Variants in SPMIP2 observed in about 807,000 individuals in gnomAD.
SPMIP2 encodes sperm microtubule inner protein 2.
chr4:158,968,678 A>C, the SPMIP2 span, among the ~76,000 whole-genome samples: 1 of 152,200 alleles, frequency 6.6e-6, no homozygotes, highest in Non-Finnish European at 1.5e-5. Flanking sequence ...TTGATACCTC[A>C]GTTTCCTCAG....
At chr4:159,046,231 G>GA in the SPMIP2 span, among the ~76,000 whole-genome samples, 286 of 131,124 alleles carry the variant, frequency 2.2e-3, no homozygotes, top group Middle Eastern at 3.8e-3. Context: ...CCTGTCTCAA[G>GA]AAAAAAAAAA....
chr4:158,957,707 G>A, the SPMIP2 span, among the ~76,000 whole-genome samples: 8 of 152,176 alleles, frequency 5.3e-5, no homozygotes, highest in African/African-American at 1.9e-4. Flanking sequence ...TTACAGGCGT[G>A]AGCCACTGTG....
chr4:159,003,399 G>A, the SPMIP2 span, among the ~76,000 whole-genome samples: 2 of 152,074 alleles, frequency 1.3e-5, no homozygotes, highest in African/African-American at 4.8e-5. Context: ...AATTAAGTAA[G>A]GTATTGTATG....
chr4:159,009,314 C>A, the SPMIP2 span, among the ~76,000 whole-genome samples: 2 of 152,118 alleles, frequency 1.3e-5, no homozygotes, highest in African/African-American at 4.8e-5. Context: ...ATCTCAGGGC[C>A]CACCTTATAT....
chr4:159,054,208 C>T, the SPMIP2 span, among the ~76,000 whole-genome samples: 52,999 of 151,832 alleles, frequency 0.35, 9,689 homozygotes, highest in East Asian at 0.64. Flanking sequence ...TTCTTGAACT[C>T]CTGTCCTCAG....
At chr4:158,932,620 T>A in the SPMIP2 span, among the ~76,000 whole-genome samples, 1 of 152,214 alleles carries the variant, frequency 6.6e-6, no homozygotes, top group African/African-American at 2.4e-5. Flanking sequence ...GTGTCTTAAT[T>A]TTTTGCTTTT....
chr4:158,924,664 C>T, the SPMIP2 span, among the ~76,000 whole-genome samples: 1 of 152,150 alleles, frequency 6.6e-6, no homozygotes, highest in African/African-American at 2.4e-5. Context: ...TTACACGAGT[C>T]AGCCACTGCA....
the SPMIP2 span, among the ~76,000 whole-genome samples, chr4:159,015,651 T>C: frequency 6.6e-6 from 1 of 152,206 alleles, no homozygotes; most frequent in Non-Finnish European, 1.5e-5. Context: ...CAAAGAAATT[T>C]AGCTTTTACA....
chr4:159,069,010 A>G, the SPMIP2 span, among the ~76,000 whole-genome samples: 1 of 152,136 alleles, frequency 6.6e-6, no homozygotes, highest in Admixed American at 6.5e-5. Context: ...TTTTCTTCTA[A>G]GAAACAATTA....
chr4:158,930,316 ATCCTCCCCACCAC>A, the SPMIP2 span, among the ~76,000 whole-genome samples: 1 of 151,870 alleles, frequency 6.6e-6, no homozygotes, highest in South Asian at 2.1e-4. Context: ...AGCTCAAGCA[ATCCTCCCCACCAC>A]AGCCTCCCAA....
At chr4:158,958,493 A>T in the SPMIP2 span, among the ~76,000 whole-genome samples, 14 of 152,184 alleles carry the variant, frequency 9.2e-5, no homozygotes, top group South Asian at 6.2e-4. Context: ...CCCCTAGAAT[A>T]CAAGTTCCAA....
the SPMIP2 span, among the ~76,000 whole-genome samples, chr4:158,902,797 C>A: frequency 1.3e-5 from 2 of 152,280 alleles, no homozygotes; most frequent in African/African-American, 4.8e-5. Flanking sequence ...GAGGCTAAAC[C>A]GCTTACTCAA....
the SPMIP2 span, among the ~76,000 whole-genome samples, chr4:158,968,187 G>C: frequency 1.3e-5 from 2 of 151,996 alleles, no homozygotes; most frequent in African/African-American, 4.8e-5. Context: ...CCATCACCAC[G>C]TCCAGCTAAT....
the SPMIP2 span, among the ~76,000 whole-genome samples, chr4:158,977,359 G>C: frequency 2.0e-5 from 3 of 152,074 alleles, no homozygotes; most frequent in African/African-American, 7.2e-5. Flanking sequence ...CATTTCTTCT[G>C]GATTTTCTAC....
chr4:158,983,111 G>A, the SPMIP2 span, among the ~76,000 whole-genome samples: 9 of 152,058 alleles, frequency 5.9e-5, no homozygotes, highest in Non-Finnish European at 1.0e-4. Context: ...AGTTTAGAGA[G>A]AAAAGAATAA....
chr4:158,896,400 A>G, the SPMIP2 span, among the ~76,000 whole-genome samples: 6 of 152,186 alleles, frequency 3.9e-5, no homozygotes, highest in African/African-American at 1.4e-4. Flanking sequence ...ATCATCCTCC[A>G]GAGGGTATTT....
the SPMIP2 span, among the ~76,000 whole-genome samples, chr4:158,922,607 T>A: frequency 5.3e-5 from 8 of 152,250 alleles, no homozygotes; most frequent in African/African-American, 1.9e-4. Context: ...ATATAATTCA[T>A]ATACTATTGA....
the SPMIP2 span, among the ~76,000 whole-genome samples, chr4:158,894,517 T>C: frequency 6.6e-6 from 1 of 152,176 alleles, no homozygotes; most frequent in Non-Finnish European, 1.5e-5. Flanking sequence ...ATATATTTCA[T>C]ATAGACCACA....
chr4:159,016,962 G>A, the SPMIP2 span, among the ~76,000 whole-genome samples: 40 of 152,330 alleles, frequency 2.6e-4, no homozygotes, highest in African/African-American at 9.1e-4. Context: ...GGAGCGATGA[G>A]ACGGGAGGGG....
Sources: allele counts gnomAD v4.1 joint callset (sites outside exome capture counted in the v4.1 genomes callset), GRCh38; gene constraint gnomAD v4.1.1; transcripts MANE v1.5; gene names NCBI Gene and HGNC (gene_info 2026-07-23, HGNC 2026-07-21).